CDK6: variants seen among roughly 807,000 people sequenced by gnomAD.
The protein encoded by CDK6 is cyclin-dependent kinase 6.
CDK6 carries 6 observed loss-of-function variants against 37.1 expected under a neutral mutation model. That is an observed-to-expected ratio of 0.16 (90% confidence interval 0.09 to 0.32). The LOEUF is 0.32. CDK6 is among the 10% of genes least tolerant of loss of function. CDK6 has a pLI of 1.00. For synonymous variants in CDK6, 160 were observed against 161.3 expected (o/e 0.99, Z 0.06); for missense variants, 224 against 418.9 (o/e 0.53, Z 4.06).
At chr7:92,832,799 C>T (rs1461074013) in intron 2 of CDK6, among the ~76,000 whole-genome samples, 1 of 152,222 alleles carries the variant, frequency 6.6e-6, no homozygotes, top group African/African-American at 2.4e-5. Flanking sequence ...TCCCCCAGAC[C>T]CTCCTTCAGG....
At chr7:92,810,609 T>C (rs1296339594) in intron 2 of CDK6, among the ~76,000 whole-genome samples, 2 of 152,178 alleles carry the variant, frequency 1.3e-5, no homozygotes, top group African/African-American at 2.4e-5. Flanking sequence ...AAAACAAAAC[T>C]TCAGTCTCAG....
chr7:92,657,255 G>C (rs1796719672), intron 5 of CDK6, among the ~76,000 whole-genome samples: 1 of 152,162 alleles, frequency 6.6e-6, no homozygotes, highest in Non-Finnish European at 1.5e-5. Context: ...GAGACTTTAT[G>C]ACCAGGTAGA....
intron 6 of CDK6, among the ~76,000 whole-genome samples, chr7:92,620,641 G>C (rs192811933): frequency 5.9e-5 from 9 of 152,218 alleles, no homozygotes; most frequent in African/African-American, 1.9e-4. Flanking sequence ...TGGACCAGGT[G>C]GGGTGGCTGT....
At chr7:92,657,150 C>T (rs1796717545) in intron 5 of CDK6, among the ~76,000 whole-genome samples, 1 of 151,856 alleles carries the variant, frequency 6.6e-6, no homozygotes, top group Non-Finnish European at 1.5e-5. Flanking sequence ...TAGTGACTGT[C>T]TCTGTGTTTT....
intron 2 of CDK6, among the ~76,000 whole-genome samples, chr7:92,781,453 G>A (rs1178668674): frequency 6.6e-6 from 1 of 152,210 alleles, no homozygotes; most frequent in African/African-American, 2.4e-5. Context: ...TTGCTCTTCT[G>A]GAACTATTGC....
rs1585330104 is a variant in CDK6 at position 92,607,048 on chromosome 7, G to C, written c.*8092C>G. ...TTGCTTTTTATTACCACACTGGATT[G>C]CTTCTGTACACAGCTAAGTTGCCTG... On this transcript the variant is annotated 3_prime_UTR_variant, in exon 8 of 8. Transcript: ENST00000424848. The C allele has an allele frequency of 1.3e-5, 3 of 233,342 alleles. No homozygotes were observed. The highest frequency in any genetic ancestry group is 2.5e-5 in the Non-Finnish European group (3 of 117,982). The allele number at this position is 233,342 out of a possible 1,614,324, so 14.5% of individuals were successfully genotyped here.
At chr7:92,772,396 A>G (rs1799738965) in intron 3 of CDK6, among the ~76,000 whole-genome samples, 1 of 152,038 alleles carries the variant, frequency 6.6e-6, no homozygotes, top group African/African-American at 2.4e-5. Flanking sequence ...CCTTGCCCCC[A>G]ACTCCACCTC....
At chr7:92,616,601 A>T (rs1327199345) in intron 7 of CDK6, among the ~76,000 whole-genome samples, 1 of 152,240 alleles carries the variant, frequency 6.6e-6, no homozygotes, top group Non-Finnish European at 1.5e-5. Flanking sequence ...ACCGGAAAGC[A>T]GGGGCAAAAT....
chr7:92,645,460 C>T (rs1466599595), intron 5 of CDK6, among the ~76,000 whole-genome samples: 1 of 152,234 alleles, frequency 6.6e-6, no homozygotes, highest in African/African-American at 2.4e-5. Flanking sequence ...TATGCAGTTT[C>T]TATCTTGCTG....
intron 3 of CDK6, among the ~76,000 whole-genome samples, chr7:92,739,998 C>T: frequency 6.6e-6 from 1 of 152,140 alleles, no homozygotes; most frequent in South Asian, 2.1e-4. Context: ...GCTCAAGTAA[C>T]TCTTCTGTCT....
intron 4 of CDK6, among the ~76,000 whole-genome samples, chr7:92,676,969 A>AAAAG (rs1277692593): frequency 0.013 from 1,924 of 151,906 alleles, 16 homozygotes; most frequent in Middle Eastern, 0.041. Flanking sequence ...AAAAAAAAAA[A>AAAAG]AAAGAAAGAA....
chr7:92,647,712 C>T (rs1796482926), intron 5 of CDK6, among the ~76,000 whole-genome samples: 2 of 152,142 alleles, frequency 1.3e-5, no homozygotes, highest in Admixed American at 1.3e-4. Context: ...AATAAATGCA[C>T]CAATATATTT....
chr7:92,774,944 G>A, intron 2 of CDK6, 113 bp from the exon 3 acceptor site: 2 of 918,872 alleles, frequency 2.2e-6, no homozygotes, highest in Non-Finnish European at 1.6e-6. Context: ...GGCCAGTGTT[G>A]ATCATTTCTT....
intron 5 of CDK6, among the ~76,000 whole-genome samples, chr7:92,642,438 C>T (rs1018455122): frequency 1.3e-5 from 2 of 152,128 alleles, no homozygotes; most frequent in African/African-American, 2.4e-5. Flanking sequence ...GTGTACCCCA[C>T]GCTTGAGGTT....
At chr7:92,727,179 A>T (rs1050504295) in intron 3 of CDK6, among the ~76,000 whole-genome samples, 6 of 152,206 alleles carry the variant, frequency 3.9e-5, no homozygotes, top group Non-Finnish European at 7.3e-5. Context: ...CCCAAATATT[A>T]TAAGAATGGT....
intron 4 of CDK6, among the ~76,000 whole-genome samples, chr7:92,692,480 T>C (rs974295603): frequency 6.6e-6 from 1 of 152,044 alleles, no homozygotes; most frequent in Admixed American, 6.6e-5. Flanking sequence ...CTGCTACCTA[T>C]GAAGAGTATG....
At chr7:92,815,514 T>G (rs963846104) in intron 2 of CDK6, among the ~76,000 whole-genome samples, 3 of 152,174 alleles carry the variant, frequency 2.0e-5, no homozygotes, top group African/African-American at 4.8e-5. Flanking sequence ...TTTCAGATAT[T>G]GGACTATAGG....
At chr7:92,733,235 T>C (rs1488053497) in intron 3 of CDK6, among the ~76,000 whole-genome samples, 7 of 152,170 alleles carry the variant, frequency 4.6e-5, no homozygotes. Flanking sequence ...CTTTGAGGTG[T>C]GTACCTCCTT....
At chr7:92,717,982 C>T (rs914188610) in intron 4 of CDK6, among the ~76,000 whole-genome samples, 3 of 152,138 alleles carry the variant, frequency 2.0e-5, no homozygotes, top group Non-Finnish European at 4.4e-5. Flanking sequence ...ACTGAGAACG[C>T]GCAGTGGAGA....
Sources: allele counts gnomAD v4.1 joint callset (sites outside exome capture counted in the v4.1 genomes callset), GRCh38; gene constraint gnomAD v4.1.1; transcripts MANE v1.5; gene names NCBI Gene and HGNC (gene_info 2026-07-23, HGNC 2026-07-21).